MYO5B: variants seen among roughly 807,000 people sequenced by gnomAD.
MYO5B encodes the protein unconventional myosin-Vb.
In MYO5B, 143 loss-of-function variants were observed where a neutral mutation model predicts 229.3. The ratio of observed to expected loss-of-function variants is 0.62; its 90% CI spans 0.54 to 0.72. MYO5B has a LOEUF of 0.72. Ranked by LOEUF, MYO5B falls within the 30% of genes least tolerant of loss-of-function variation. The pLI, the probability that MYO5B is intolerant of heterozygous loss-of-function variation, is 0.00. For synonymous variants in MYO5B, 918 were observed against 885.2 expected, an observed-to-expected ratio of 1.04 and a Z score of -0.66; for missense variants, 2,321 against 2,331.0, an observed-to-expected ratio of 1.00 and a Z score of 0.09.
chr18:49,867,089 G>C (rs1358190502), intron 27 of MYO5B, among the ~76,000 whole-genome samples: 2 of 152,166 alleles, frequency 1.3e-5, no homozygotes, highest in African/African-American at 2.4e-5. Flanking sequence ...CTGGATCCAG[G>C]AAAAAGCAGT....
At chr18:49,871,828 C>T (rs1477858580) in intron 27 of MYO5B, among the ~76,000 whole-genome samples, 1 of 152,248 alleles carries the variant, frequency 6.6e-6, no homozygotes, top group Non-Finnish European at 1.5e-5. Flanking sequence ...TTCTACCGCC[C>T]TGTCTCCCTG....
intron 39 of MYO5B, among the ~76,000 whole-genome samples, chr18:49,834,013 G>T (rs146387795): frequency 6.6e-6 from 1 of 152,088 alleles, no homozygotes; most frequent in African/African-American, 2.4e-5. Context: ...CTTCCCAGAC[G>T]TTCCCTCTGT....
At chr18:50,087,254 T>G (rs1568101327) in intron 1 of MYO5B, among the ~76,000 whole-genome samples, 1 of 152,160 alleles carries the variant, frequency 6.6e-6, no homozygotes. Flanking sequence ...CTACCCTGGA[T>G]AAAACATCTT....
At chr18:50,127,451 C>T (rs1718870198) in intron 1 of MYO5B, among the ~76,000 whole-genome samples, 1 of 152,162 alleles carries the variant, frequency 6.6e-6, no homozygotes, top group Non-Finnish European at 1.5e-5. Flanking sequence ...ACAGGGAAGA[C>T]AAGAGTGGTC....
intron 1 of MYO5B, among the ~76,000 whole-genome samples, chr18:50,194,412 A>T (rs2033270668): frequency 6.6e-6 from 1 of 152,100 alleles, no homozygotes; most frequent in African/African-American, 2.4e-5. Context: ...CACGGCGCTC[A>T]GAGCTGGCAG....
At chr18:50,080,645 A>T (rs577987745) in intron 1 of MYO5B, among the ~76,000 whole-genome samples, 89 of 152,330 alleles carry the variant, frequency 5.8e-4, no homozygotes, top group African/African-American at 2.0e-3. Context: ...GAAGGGGGAC[A>T]AACTGAAAAA....
At chr18:50,182,175 A>T (rs771779890) in intron 1 of MYO5B, among the ~76,000 whole-genome samples, 5 of 152,206 alleles carry the variant, frequency 3.3e-5, no homozygotes, top group African/African-American at 1.2e-4. Flanking sequence ...CCTTCAGGCA[A>T]AAACTATGAG....
chr18:50,104,152 T>A (rs1445535192), intron 1 of MYO5B, among the ~76,000 whole-genome samples: 1 of 95,328 alleles, frequency 1.0e-5, no homozygotes, highest in African/African-American at 3.4e-5. Flanking sequence ...GGGCAACAGA[T>A]GAGAACTTGT....
At chr18:50,101,095 T>C (rs2031646076) in intron 1 of MYO5B, among the ~76,000 whole-genome samples, 1 of 152,208 alleles carries the variant, frequency 6.6e-6, no homozygotes, top group East Asian at 1.9e-4. Flanking sequence ...TACTGTATAG[T>C]TGAAGTTTGC....
intron 1 of MYO5B, among the ~76,000 whole-genome samples, chr18:50,173,719 C>T (rs1200035748): frequency 2.0e-5 from 3 of 152,248 alleles, no homozygotes; most frequent in South Asian, 4.1e-4. Flanking sequence ...CTGGATCATG[C>T]CTCTTACTGG....
chr18:50,063,129 C>T (rs919373340), intron 1 of MYO5B, among the ~76,000 whole-genome samples: 12 of 152,162 alleles, frequency 7.9e-5, no homozygotes, highest in Non-Finnish European at 1.2e-4. Context: ...AGAATCCCAA[C>T]AGAACCATGT....
intron 1 of MYO5B, among the ~76,000 whole-genome samples, chr18:50,089,265 C>A (rs1321978211): frequency 6.6e-6 from 1 of 152,076 alleles, no homozygotes; most frequent in Non-Finnish European, 1.5e-5. Flanking sequence ...GTAGTCCCAG[C>A]TACTCAAGAG....
chr18:50,186,112 G>A (rs942770342), intron 1 of MYO5B, among the ~76,000 whole-genome samples: 1 of 152,216 alleles, frequency 6.6e-6, no homozygotes, highest in Non-Finnish European at 1.5e-5. Flanking sequence ...TAAGAAGTAT[G>A]AAGGATATTT....
At chr18:50,006,594 C>T (rs535425623) in intron 4 of MYO5B, among the ~76,000 whole-genome samples, 2 of 152,196 alleles carry the variant, frequency 1.3e-5, no homozygotes, top group Non-Finnish European at 2.9e-5. Flanking sequence ...TCACACTGGC[C>T]CCCCCTTCTG....
intron 4 of MYO5B, among the ~76,000 whole-genome samples, chr18:50,005,313 G>C (rs993459702): frequency 2.6e-5 from 4 of 152,148 alleles, no homozygotes; most frequent in African/African-American, 9.7e-5. Flanking sequence ...CCTGAGTCCT[G>C]GTTCTGCTGC....
At chr18:49,860,576 C>A (rs2024317771) in intron 29 of MYO5B, among the ~76,000 whole-genome samples, 2 of 152,116 alleles carry the variant, frequency 1.3e-5, no homozygotes, top group Non-Finnish European at 2.9e-5. Context: ...GGAAAAGACA[C>A]AGTTATAGGG....
chr18:50,157,769 T>C (rs1454963121), intron 1 of MYO5B, among the ~76,000 whole-genome samples: 1 of 152,248 alleles, frequency 6.6e-6, no homozygotes, highest in Non-Finnish European at 1.5e-5. Flanking sequence ...TGTGTGGTGA[T>C]TTAATGTTTG....
chr18:49,953,752 G>T (rs1379279122), intron 13 of MYO5B, among the ~76,000 whole-genome samples: 1 of 152,146 alleles, frequency 6.6e-6, no homozygotes, highest in Non-Finnish European at 1.5e-5. Context: ...ACCAGCTACT[G>T]AGAAAGCAGC....
chr18:49,974,640 T>A, intron 9 of MYO5B, 25 bp from the exon 10 acceptor site: 1 of 1,608,828 alleles, frequency 6.2e-7, no homozygotes, highest in South Asian at 1.1e-5. Flanking sequence ...GGAGATAGGT[T>A]CAGGAGGAGT....
Sources: gnomAD v4.1 joint callset for allele counts (sites outside exome capture counted in the v4.1 genomes callset) on GRCh38, gnomAD v4.1.1 for gene constraint, MANE v1.5 for transcripts, NCBI Gene and HGNC (gene_info 2026-07-23, HGNC 2026-07-21) for gene names.